Variants in GRM5 observed in about 807,000 individuals in gnomAD.
GRM5 encodes glutamate metabotropic receptor 5, also known as metabotropic glutamate receptor 5.
A neutral mutation model predicts 83.1 loss-of-function variants in GRM5; 19 were observed. That is an observed-to-expected ratio of 0.23 (90% CI 0.16 to 0.34). The LOEUF (loss-of-function observed/expected upper bound fraction) is 0.34, where lower values mean the gene tolerates loss of function less well. Ranked by LOEUF, GRM5 falls within the 10% of genes least tolerant of loss-of-function variation. GRM5 has a pLI of 1.00. For missense variants in GRM5, 1,160 were observed against 1,588.3 expected (o/e 0.73, Z 4.58); for synonymous variants, 675 against 633.6 (o/e 1.07, Z -0.98).
chr11:88,988,591 T>A (rs1201120031), intron 2 of GRM5, among the ~76,000 whole-genome samples: 4 of 150,000 alleles, frequency 2.7e-5, no homozygotes, highest in African/African-American at 9.8e-5. Context: ...AAGGAAAAAA[T>A]GTTAAGGGCA....
At chr11:88,693,502 G>C (rs1940831212) in intron 3 of GRM5, among the ~76,000 whole-genome samples, 1 of 152,170 alleles carries the variant, frequency 6.6e-6, no homozygotes, top group Non-Finnish European at 1.5e-5. Flanking sequence ...AGGAAAAAAA[G>C]TATTCACCAT....
chr11:88,987,336 C>G (rs1318609094), intron 2 of GRM5, among the ~76,000 whole-genome samples: 1 of 152,190 alleles, frequency 6.6e-6, no homozygotes, highest in African/African-American at 2.4e-5. Context: ...AGATTATATC[C>G]CCCAGCTGGC....
chr11:89,058,596 A>G (rs1941924610), intron 1 of GRM5, among the ~76,000 whole-genome samples: 1 of 152,206 alleles, frequency 6.6e-6, no homozygotes, highest in Non-Finnish European at 1.5e-5. Context: ...TGCTAAGGAG[A>G]GACGGTTGAA....
chr11:88,883,399 CTG>C (rs1233061033), intron 2 of GRM5, among the ~76,000 whole-genome samples: 14 of 152,246 alleles, frequency 9.2e-5, no homozygotes, highest in Non-Finnish European at 7.4e-5. Context: ...TGCAAAAAGA[CTG>C]TGGGCATTTT....
At chr11:88,958,096 C>T (rs1938676640) in intron 2 of GRM5, among the ~76,000 whole-genome samples, 1 of 151,868 alleles carries the variant, frequency 6.6e-6, no homozygotes, top group African/African-American at 2.4e-5. Context: ...TTTAACTCAA[C>T]TACTTCCCCA....
At chr11:88,526,171 A>G (rs1941871262) in intron 8 of GRM5, among the ~76,000 whole-genome samples, 1 of 152,140 alleles carries the variant, frequency 6.6e-6, no homozygotes, top group Non-Finnish European at 1.5e-5. Context: ...TTATTTTTGT[A>G]TTATAATTGG....
intron 2 of GRM5, among the ~76,000 whole-genome samples, chr11:88,947,252 G>C (rs1938310195): frequency 6.6e-6 from 1 of 151,932 alleles, no homozygotes; most frequent in Non-Finnish European, 1.5e-5. Flanking sequence ...TGCTGTTCTT[G>C]CATGTTAATG....
intron 3 of GRM5, among the ~76,000 whole-genome samples, chr11:88,658,030 T>G (rs72639189): frequency 0.021 from 3,163 of 152,244 alleles, 85 homozygotes; most frequent in East Asian, 0.12. Context: ...CCTGTCCGTG[T>G]CCTGTTCGGA....
chr11:89,051,888 T>C (rs1053566835), intron 1 of GRM5, among the ~76,000 whole-genome samples: 5 of 152,218 alleles, frequency 3.3e-5, no homozygotes, highest in African/African-American at 4.8e-5. Flanking sequence ...TGATGGTGAC[T>C]TCTCTATGAT....
chr11:88,631,347 AATC>A (rs1938964631), intron 4 of GRM5, among the ~76,000 whole-genome samples: 1 of 152,200 alleles, frequency 6.6e-6, no homozygotes, highest in Non-Finnish European at 1.5e-5. Flanking sequence ...ATATGCTGTA[AATC>A]ATCATTCCTA....
intron 3 of GRM5, among the ~76,000 whole-genome samples, chr11:88,805,708 A>C (rs1943488010): frequency 6.6e-6 from 1 of 152,178 alleles, no homozygotes; most frequent in South Asian, 2.1e-4. Flanking sequence ...TCTTATGGTT[A>C]ATGTTTTGTC....
chr11:89,022,167 A>T (rs577720412), intron 2 of GRM5, among the ~76,000 whole-genome samples: 1 of 152,220 alleles, frequency 6.6e-6, no homozygotes, highest in East Asian at 1.9e-4. Flanking sequence ...CATTTCATGC[A>T]TTTTCTTTCT....
intron 3 of GRM5, among the ~76,000 whole-genome samples, chr11:88,830,945 C>T (rs560098627): frequency 6.6e-6 from 1 of 152,170 alleles, no homozygotes; most frequent in East Asian, 1.9e-4. Context: ...ATTATAGTAA[C>T]CAGATCTCAT....
intron 3 of GRM5, among the ~76,000 whole-genome samples, chr11:88,754,407 C>G (rs1942352489): frequency 6.6e-6 from 1 of 152,130 alleles, no homozygotes; most frequent in African/African-American, 2.4e-5. Flanking sequence ...CCTGCCCATC[C>G]TGCTCCTGTA....
At chr11:88,990,105 AGACT>A in intron 2 of GRM5, among the ~76,000 whole-genome samples, 1 of 148,744 alleles carries the variant, frequency 6.7e-6, no homozygotes, top group East Asian at 2.0e-4. Flanking sequence ...CAAAATTGAT[AGACT>A]GCTAGCAAGA....
At chr11:88,724,551 T>A (rs978417313) in intron 3 of GRM5, among the ~76,000 whole-genome samples, 4 of 152,158 alleles carry the variant, frequency 2.6e-5, no homozygotes, top group Non-Finnish European at 2.9e-5. Context: ...GATGGGGCAT[T>A]GTAATATATT....
At chr11:88,936,341 T>C (rs989236306) in intron 2 of GRM5, among the ~76,000 whole-genome samples, 6 of 151,888 alleles carry the variant, frequency 4.0e-5, no homozygotes, top group African/African-American at 1.2e-4. Context: ...GATGACCATA[T>C]TGTTTTAAGC....
chr11:88,958,351 A>G (rs1938687334), intron 2 of GRM5, among the ~76,000 whole-genome samples: 1 of 151,428 alleles, frequency 6.6e-6, no homozygotes, highest in South Asian at 2.1e-4. Flanking sequence ...TCTGCTTTTA[A>G]ATACCCTGAA....
intron 9 of GRM5, among the ~76,000 whole-genome samples, chr11:88,521,864 G>C (rs149373419): frequency 2.6e-5 from 4 of 152,300 alleles, no homozygotes; most frequent in Non-Finnish European, 4.4e-5. Context: ...CTAAGGCCCT[G>C]CTAATGTTAC....
Sources: gnomAD v4.1 joint callset for allele counts (sites outside exome capture counted in the v4.1 genomes callset) on GRCh38, gnomAD v4.1.1 for gene constraint, MANE v1.5 for transcripts, NCBI Gene and HGNC (gene_info 2026-07-23, HGNC 2026-07-21) for gene names.